MGAT5: variants seen among roughly 807,000 people sequenced by gnomAD.
The protein encoded by MGAT5 is alpha-1,6-mannosylglycoprotein 6-beta-N-acetylglucosaminyltransferase A.
A neutral mutation model predicts 94.3 loss-of-function variants in MGAT5; 30 were observed. The ratio of observed to expected loss-of-function variants is 0.32; its 90% confidence interval spans 0.24 to 0.43. The LOEUF (loss-of-function observed/expected upper bound fraction) is 0.43, where lower values mean the gene tolerates loss of function less well. Ranked by LOEUF, MGAT5 falls within the 20% of genes least tolerant of loss-of-function variation. The pLI is 1.00. For missense variants in MGAT5, 691 were observed against 905.5 expected (o/e 0.76, Z 3.04); for synonymous variants, 310 against 322.9 (o/e 0.96, Z 0.43).
intron 1 of MGAT5, among the ~76,000 whole-genome samples, chr2:134,172,054 A>G (rs1273279644): frequency 6.6e-6 from 1 of 152,210 alleles, no homozygotes; most frequent in Non-Finnish European, 1.5e-5. Context: ...TTTTATGTGT[A>G]TAGAATTAGT....
At chr2:134,418,104 T>C (rs1007888428) in intron 12 of MGAT5, among the ~76,000 whole-genome samples, 3 of 151,970 alleles carry the variant, frequency 2.0e-5, no homozygotes, top group African/African-American at 7.3e-5. Flanking sequence ...AAAAAAAAAT[T>C]AGGACACTCT....
intron 1 of MGAT5, among the ~76,000 whole-genome samples, chr2:134,241,246 T>C (rs1433990238): frequency 6.6e-6 from 1 of 152,236 alleles, no homozygotes; most frequent in Non-Finnish European, 1.5e-5. Flanking sequence ...CTGGGAGAAC[T>C]GTGAGTACCC....
At chr2:134,392,232 T>A (rs1324974206) in intron 10 of MGAT5, among the ~76,000 whole-genome samples, 1 of 152,226 alleles carries the variant, frequency 6.6e-6, no homozygotes, top group African/African-American at 2.4e-5. Flanking sequence ...CTTTCAAATA[T>A]GTTTATTTGC....
At chr2:134,227,106 A>G (rs940244708) in intron 1 of MGAT5, among the ~76,000 whole-genome samples, 1 of 152,114 alleles carries the variant, frequency 6.6e-6, no homozygotes, top group African/African-American at 2.4e-5. Context: ...ATCCTTATCA[A>G]TGAGTGTAAC....
chr2:134,293,176 T>C (rs1685475140), intron 2 of MGAT5, among the ~76,000 whole-genome samples: 1 of 152,228 alleles, frequency 6.6e-6, no homozygotes, highest in Non-Finnish European at 1.5e-5. Flanking sequence ...ATAACATGTA[T>C]ATGATAATAA....
intron 4 of MGAT5, among the ~76,000 whole-genome samples, chr2:134,326,724 T>C (rs1488639247): frequency 1.3e-5 from 2 of 152,088 alleles, no homozygotes; most frequent in Non-Finnish European, 2.9e-5. Flanking sequence ...ATCATCTAGA[T>C]TGTAGTGCAT....
chr2:134,313,789 A>C (rs907289129), intron 2 of MGAT5, among the ~76,000 whole-genome samples: 25 of 152,140 alleles, frequency 1.6e-4, no homozygotes, highest in African/African-American at 5.3e-4. Context: ...AAACTATGTG[A>C]TGCTGAGGCT....
chr2:134,422,898 G>A lies in MGAT5; in HGVS notation c.1773G>A (p.Val591=). The part of the protein sequence containing the change: ...LNNQEEVEDA[V]KAILNQKIEP... ...ATCAGGAGGAAGTAGAGGATGCAGT[G>A]AAAGCAATTTTAAATCAGAAGGTTG... The change falls in exon 13 of 16, where the codon GTG becomes GTA. Residue 591 remains valine, a synonymous_variant. Transcript: ENST00000281923. The A allele has an allele frequency of 6.2e-7, 1 of 1,613,466 alleles. No homozygotes were observed. The highest frequency in any genetic ancestry group is 1.1e-5 in the South Asian group (1 of 91,054).
intron 1 of MGAT5, among the ~76,000 whole-genome samples, chr2:134,143,173 T>TG (rs1009991955): frequency 3.3e-5 from 5 of 151,842 alleles, no homozygotes; most frequent in Non-Finnish European, 7.4e-5. Flanking sequence ...TTAGTGTTGC[T>TG]GGGGGCAGGG....
upstream of MGAT5, among the ~76,000 whole-genome samples, chr2:134,251,198 C>CA (rs569492298): frequency 0.033 from 4,534 of 136,190 alleles, 76 homozygotes; most frequent in South Asian, 0.043. Context: ...TATGGGTTAT[C>CA]AAAAAAAAAA....
intron 1 of MGAT5, among the ~76,000 whole-genome samples, chr2:134,229,368 A>G (rs1394864092): frequency 6.6e-6 from 1 of 152,232 alleles, no homozygotes; most frequent in Non-Finnish European, 1.5e-5. Flanking sequence ...AAAGCATTTT[A>G]TATATTAACA....
intron 15 of MGAT5, among the ~76,000 whole-genome samples, chr2:134,447,645 C>G (rs999835979): frequency 6.6e-6 from 1 of 152,208 alleles, no homozygotes; most frequent in African/African-American, 2.4e-5. Context: ...ATGCAGGACA[C>G]CAGGTGAGGC....
At chr2:134,251,173 G>A (rs1169874733), upstream of MGAT5, among the ~76,000 whole-genome samples, 2 of 151,364 alleles carry the variant, frequency 1.3e-5, no homozygotes, top group Non-Finnish European at 2.9e-5. Flanking sequence ...TCAAAATTAA[G>A]TAATGAGTAA....
chr2:134,292,895 A>G (rs914074207), intron 2 of MGAT5, among the ~76,000 whole-genome samples: 2 of 152,226 alleles, frequency 1.3e-5, no homozygotes, highest in African/African-American at 2.4e-5. Flanking sequence ...CATACCTGTG[A>G]TAAGAATAAG....
chr2:134,168,253 C>T (rs1290829277), intron 1 of MGAT5, among the ~76,000 whole-genome samples: 1 of 152,148 alleles, frequency 6.6e-6, no homozygotes, highest in Non-Finnish European at 1.5e-5. Flanking sequence ...CCCATGACGA[C>T]CTCTGTTTTA....
At chr2:134,327,725 C>T (rs547326117) in intron 4 of MGAT5, among the ~76,000 whole-genome samples, 2 of 152,236 alleles carry the variant, frequency 1.3e-5, no homozygotes, top group South Asian at 4.1e-4. Context: ...TAAGAGAGGA[C>T]TACTGTAATG....
At chr2:134,281,763 A>T (rs1207619942) in intron 2 of MGAT5, among the ~76,000 whole-genome samples, 3 of 152,216 alleles carry the variant, frequency 2.0e-5, no homozygotes, top group Non-Finnish European at 2.9e-5. Flanking sequence ...CTCTCAAGGG[A>T]AGACAGTCAT....
chr2:134,231,947 A>T (rs562377409), intron 1 of MGAT5, among the ~76,000 whole-genome samples: 1 of 152,222 alleles, frequency 6.6e-6, no homozygotes, highest in Admixed American at 6.5e-5. Flanking sequence ...AATATATGAT[A>T]TAGTACTATT....
intron 1 of MGAT5, among the ~76,000 whole-genome samples, chr2:134,238,063 T>C (rs1013128156): frequency 6.6e-6 from 1 of 152,118 alleles, no homozygotes; most frequent in African/African-American, 2.4e-5. Context: ...TTTTTTCTTT[T>C]TCTAGACTTG....
Sources: allele counts gnomAD v4.1 joint callset (sites outside exome capture counted in the v4.1 genomes callset), GRCh38; gene constraint gnomAD v4.1.1; transcripts MANE v1.5; gene names NCBI Gene and HGNC (gene_info 2026-07-23, HGNC 2026-07-21).